The following GRID2 variants were observed in gnomAD, a reference collection of about 807,000 sequenced individuals.
GRID2 encodes glutamate ionotropic receptor delta type subunit 2, also known as glutamate receptor ionotropic, delta-2.
In GRID2, 33 loss-of-function variants were observed where a neutral mutation model predicts 114.8. That is an observed-to-expected ratio of 0.29 (90% CI 0.22 to 0.38). The LOEUF (loss-of-function observed/expected upper bound fraction) is 0.38, where lower values mean the gene tolerates loss of function less well. Ranked by LOEUF, GRID2 falls within the 10% of genes least tolerant of loss-of-function variation. GRID2 has a pLI of 1.00. For synonymous variants in GRID2, 505 were observed against 449.9 expected, an observed-to-expected ratio of 1.12 and a Z score of -1.55; for missense variants, 1,184 against 1,257.7, an observed-to-expected ratio of 0.94 and a Z score of 0.89.
chr4:93,221,050 C>G (rs767785855), intron 6 of GRID2, among the ~76,000 whole-genome samples: 25 of 152,088 alleles, frequency 1.6e-4, no homozygotes, highest in Non-Finnish European at 3.1e-4. Flanking sequence ...GTTCAGATCC[C>G]TTAAGTTGAA....
intron 8 of GRID2, among the ~76,000 whole-genome samples, chr4:93,359,276 T>C (rs568249276): frequency 6.6e-6 from 1 of 152,162 alleles, no homozygotes; most frequent in East Asian, 1.9e-4. Flanking sequence ...TTCATTTTTT[T>C]TTTCATTTGA....
intron 1 of GRID2, among the ~76,000 whole-genome samples, chr4:93,780,995 T>C (rs536673499): frequency 6.6e-6 from 1 of 152,230 alleles, no homozygotes; most frequent in African/African-American, 2.4e-5. Context: ...TCAAGAGAAC[T>C]TGAAGGTTAA....
chr4:93,225,056 T>C (rs1263195528), intron 7 of GRID2, among the ~76,000 whole-genome samples: 1 of 152,076 alleles, frequency 6.6e-6, no homozygotes, highest in Non-Finnish European at 1.5e-5. Flanking sequence ...TGAAATTGTT[T>C]TGGTGCCTGT....
intron 2 of GRID2, among the ~76,000 whole-genome samples, chr4:92,943,579 C>T (rs184131236): frequency 1.2e-4 from 19 of 152,182 alleles, no homozygotes; most frequent in Admixed American, 6.5e-4. Context: ...TCTCTCAACT[C>T]GTCAAAGTCA....
chr4:93,248,444 G>A (rs1379673550), intron 8 of GRID2, among the ~76,000 whole-genome samples: 5 of 152,104 alleles, frequency 3.3e-5, no homozygotes, highest in Non-Finnish European at 7.3e-5. Context: ...GCCTACCACA[G>A]ACAAATTTAT....
chr4:92,896,558 A>T (rs911246415), intron 2 of GRID2, among the ~76,000 whole-genome samples: 22 of 144,200 alleles, frequency 1.5e-4, no homozygotes, highest in Non-Finnish European at 2.1e-4. Context: ...TTATAATATT[A>T]TATATATATA....
intron 10 of GRID2, among the ~76,000 whole-genome samples, chr4:93,439,500 CA>C (rs1187440128): frequency 6.6e-6 from 1 of 152,010 alleles, no homozygotes; most frequent in Non-Finnish European, 1.5e-5. Context: ...TGTCTAGGAA[CA>C]ATTAGTCAGT....
chr4:93,555,915 G>A (rs1307215230), intron 13 of GRID2, among the ~76,000 whole-genome samples: 1 of 152,158 alleles, frequency 6.6e-6, no homozygotes, highest in African/African-American at 2.4e-5. Flanking sequence ...GAAGGAACAG[G>A]CAGCAGTCTT....
chr4:93,068,390 G>A (rs1261206500), intron 2 of GRID2, among the ~76,000 whole-genome samples: 1 of 151,900 alleles, frequency 6.6e-6, no homozygotes, highest in East Asian at 1.9e-4. Context: ...AGATTAAAAA[G>A]GCTTTGAAAT....
At chr4:92,711,297 A>T (rs571373934) in intron 2 of GRID2, among the ~76,000 whole-genome samples, 2 of 152,296 alleles carry the variant, frequency 1.3e-5, no homozygotes, top group South Asian at 4.2e-4. Context: ...ATGTGTTTTA[A>T]CTGGGTCCTC....
chr4:92,441,349 T>C (rs10032238), intron 1 of GRID2, among the ~76,000 whole-genome samples: 249 of 148,544 alleles, frequency 1.7e-3, no homozygotes, highest in African/African-American at 5.4e-3. Context: ...CAGTACAGCC[T>C]AGGTAATTTG....
At chr4:93,618,881 G>A (rs1394306194) in intron 13 of GRID2, among the ~76,000 whole-genome samples, 1 of 152,116 alleles carries the variant, frequency 6.6e-6, no homozygotes, top group Non-Finnish European at 1.5e-5. Context: ...GAAAAAGTTG[G>A]CAGCGGAGGG....
intron 2 of GRID2, among the ~76,000 whole-genome samples, chr4:92,839,992 G>A (rs1233291023): frequency 1.3e-5 from 2 of 151,782 alleles, no homozygotes; most frequent in Admixed American, 1.3e-4. Context: ...TTATATATCT[G>A]GGCACTCCAC....
chr4:92,993,696 C>T (rs1387850590), intron 2 of GRID2, among the ~76,000 whole-genome samples: 2 of 152,090 alleles, frequency 1.3e-5, no homozygotes, highest in South Asian at 2.1e-4. Flanking sequence ...ACTGATTATT[C>T]TGTGAAATTT....
intron 8 of GRID2, among the ~76,000 whole-genome samples, chr4:93,240,991 A>G (rs913355634): frequency 1.3e-5 from 2 of 151,634 alleles, no homozygotes; most frequent in Non-Finnish European, 1.5e-5. Context: ...GAAAGTTTAT[A>G]TAAATGGATA....
chr4:93,017,954 T>C (rs1379067306), intron 2 of GRID2, among the ~76,000 whole-genome samples: 1 of 148,684 alleles, frequency 6.7e-6, no homozygotes, highest in Non-Finnish European at 1.5e-5. Context: ...TAATCATCAA[T>C]TAACCAACAG....
At chr4:93,298,108 C>A (rs1754504927) in intron 8 of GRID2, among the ~76,000 whole-genome samples, 1 of 152,088 alleles carries the variant, frequency 6.6e-6, no homozygotes. Context: ...CCATCTTTGC[C>A]CAAATATGGT....
At chr4:93,250,934 TG>T (rs1748842350) in intron 8 of GRID2, among the ~76,000 whole-genome samples, 1 of 151,816 alleles carries the variant, frequency 6.6e-6, no homozygotes, top group Non-Finnish European at 1.5e-5. Flanking sequence ...TCCTGGTTTT[TG>T]AGGGGAGGTT....
At chr4:93,145,890 T>A (rs1319471613) in intron 4 of GRID2, among the ~76,000 whole-genome samples, 1 of 151,642 alleles carries the variant, frequency 6.6e-6, no homozygotes, top group East Asian at 1.9e-4. Context: ...ACACACACTT[T>A]ATAGTCTGTA....
Sources: allele counts gnomAD v4.1 joint callset (sites outside exome capture counted in the v4.1 genomes callset), GRCh38; gene constraint gnomAD v4.1.1; transcripts MANE v1.5; gene names NCBI Gene and HGNC (gene_info 2026-07-23, HGNC 2026-07-21).